The following GRIK1 variants were observed in gnomAD, a reference collection of about 807,000 sequenced individuals.
GRIK1 encodes the protein glutamate ionotropic receptor kainate type subunit 1.
GRIK1 carries 69 observed loss-of-function variants against 105.7 expected under a neutral mutation model. The observed-to-expected ratio is 0.65, with a 90% CI of 0.54 to 0.80. The LOEUF is 0.80. Ranked by LOEUF, GRIK1 falls within the 30% of genes least tolerant of loss-of-function variation. The pLI, the probability that GRIK1 is intolerant of heterozygous loss-of-function variation, is 0.00. For missense variants in GRIK1, 1,109 were observed against 1,167.3 expected (o/e 0.95, Z 0.73); for synonymous variants, 438 against 431.3 (o/e 1.02, Z -0.19).
chr21:29,835,506 A>G (rs553915019), intron 1 of GRIK1, among the ~76,000 whole-genome samples: 3 of 152,300 alleles, frequency 2.0e-5, no homozygotes, highest in Non-Finnish European at 2.9e-5. Flanking sequence ...TGTGGAAAAC[A>G]CAGTTGTTTC....
At chr21:29,743,493 C>T (rs539860905) in intron 1 of GRIK1, among the ~76,000 whole-genome samples, 11 of 151,972 alleles carry the variant, frequency 7.2e-5, no homozygotes, top group African/African-American at 2.2e-4. Context: ...GTTAGGAGTT[C>T]GAGACTAGCC....
At chr21:29,842,480 T>C (rs893989736) in intron 1 of GRIK1, among the ~76,000 whole-genome samples, 3 of 152,152 alleles carry the variant, frequency 2.0e-5, no homozygotes, top group Non-Finnish European at 4.4e-5. Context: ...TTTTCAAAAG[T>C]TTTTGTCCTC....
chr21:29,654,743 G>C, intron 5 of GRIK1, 67 bp downstream of exon 5: 2 of 910,690 alleles, frequency 2.2e-6, no homozygotes, highest in Non-Finnish European at 3.7e-6. Context: ...TGGTGAGGCC[G>C]ACTCTGAAAT....
chr21:29,789,946 C>G (rs1439663899), intron 1 of GRIK1, among the ~76,000 whole-genome samples: 1 of 152,200 alleles, frequency 6.6e-6, no homozygotes, highest in Non-Finnish European at 1.5e-5. Flanking sequence ...TCAATGCTCA[C>G]AAATCAAATC....
At chr21:29,893,088 G>T (rs765332500) in intron 1 of GRIK1, among the ~76,000 whole-genome samples, 1 of 152,118 alleles carries the variant, frequency 6.6e-6, no homozygotes, top group African/African-American at 2.4e-5. Flanking sequence ...TAATACAGTT[G>T]TTGAAATTGG....
At chr21:29,804,459 T>A (rs1953851623) in intron 1 of GRIK1, among the ~76,000 whole-genome samples, 1 of 151,786 alleles carries the variant, frequency 6.6e-6, no homozygotes, top group African/African-American at 2.4e-5. Context: ...AAAAAAAAAA[T>A]GAAGACAAAA....
At chr21:29,607,542 A>G (rs1272186479) in intron 7 of GRIK1, among the ~76,000 whole-genome samples, 1 of 152,212 alleles carries the variant, frequency 6.6e-6, no homozygotes, top group Non-Finnish European at 1.5e-5. Context: ...CTGAAGTTTA[A>G]ATACATTGTA....
intron 1 of GRIK1, among the ~76,000 whole-genome samples, chr21:29,905,646 A>G (rs1479625948): frequency 3.3e-5 from 2 of 60,210 alleles, no homozygotes; most frequent in Admixed American, 2.4e-4. Context: ...TTTTTTTTTG[A>G]GACGGAGTCT....
intron 12 of GRIK1, among the ~76,000 whole-genome samples, chr21:29,585,196 G>A (rs759298644): frequency 3.8e-4 from 57 of 151,962 alleles, no homozygotes; most frequent in Admixed American, 6.6e-4. Context: ...ACTACTGAAT[G>A]GATTGCATTG....
At chr21:29,565,214 G>A in intron 14 of GRIK1, among the ~76,000 whole-genome samples, 1 of 152,200 alleles carries the variant, frequency 6.6e-6, no homozygotes, top group Non-Finnish European at 1.5e-5. Flanking sequence ...ATGGGAGCAA[G>A]AAGAGCAGCA....
chr21:29,637,902 G>T (rs1235274040), intron 7 of GRIK1, among the ~76,000 whole-genome samples: 1 of 152,072 alleles, frequency 6.6e-6, no homozygotes, highest in Non-Finnish European at 1.5e-5. Context: ...GTTGCAGTTG[G>T]CCTACTGCAT....
In GRIK1 at chr21:29,795,027, A is replaced by ATTTTTT. The variant is rs1569102231; in HGVS notation, c.119-100965_119-100964insAAAAAA. ...CCAAGCTTCCTGATGCTTTGCTCTA[A>ATTTTTT]ATTTTTTTTTTTTTTTTTTTTTTTT... On this transcript the variant is annotated intron_variant, in intron 1 of 17. Coordinates refer to ENST00000327783, the MANE Select transcript of GRIK1 (RefSeq NM_001330994.2). Among the ~76,000 whole-genome samples the ATTTTTT allele has an allele frequency of 3.7e-3, 302 of 82,112 alleles. 25 individuals are homozygous for ATTTTTT. The highest frequency in any genetic ancestry group is 8.0e-3 in the African/African-American group (190 of 23,746). 53.9% of individuals were successfully genotyped at this position (82,112 alleles called of 152,430 possible). A position where few individuals can be genotyped will look rare whatever the true frequency, so the allele number is the denominator to read the frequency against.
chr21:29,816,339 C>G (rs561713273), intron 1 of GRIK1, among the ~76,000 whole-genome samples: 1 of 152,202 alleles, frequency 6.6e-6, no homozygotes, highest in South Asian at 2.1e-4. Flanking sequence ...TTTTTATACA[C>G]TGTTGGTGGG....
At chr21:29,740,534 C>T (rs781193328) in intron 1 of GRIK1, among the ~76,000 whole-genome samples, 10 of 152,044 alleles carry the variant, frequency 6.6e-5, no homozygotes, top group Non-Finnish European at 1.2e-4. Flanking sequence ...AACTGAAATC[C>T]TCACAACCAC....
intron 1 of GRIK1, among the ~76,000 whole-genome samples, chr21:29,924,485 A>C (rs144153334): frequency 6.6e-5 from 10 of 152,322 alleles, no homozygotes; most frequent in African/African-American, 2.4e-4. Context: ...GGTTAAGAAC[A>C]ACTGCTCTGA....
At chr21:29,870,664 C>T (rs1029310842) in intron 1 of GRIK1, among the ~76,000 whole-genome samples, 2 of 152,028 alleles carry the variant, frequency 1.3e-5, no homozygotes, top group African/African-American at 2.4e-5. Context: ...CTGTAAGTTT[C>T]CATTTGATAG....
At chr21:29,854,114 A>T (rs912783900) in intron 1 of GRIK1, among the ~76,000 whole-genome samples, 1 of 152,152 alleles carries the variant, frequency 6.6e-6, no homozygotes, top group African/African-American at 2.4e-5. Context: ...TACAAGAAGC[A>T]TGATGCCTTC....
chr21:29,678,236 C>T (rs980704110), intron 3 of GRIK1, among the ~76,000 whole-genome samples: 3 of 152,104 alleles, frequency 2.0e-5, no homozygotes, highest in Non-Finnish European at 4.4e-5. Context: ...TCTGTGCATC[C>T]TCCAGAGCGG....
intron 1 of GRIK1, among the ~76,000 whole-genome samples, chr21:29,706,514 C>G (rs1274881985): frequency 6.6e-6 from 1 of 152,142 alleles, no homozygotes; most frequent in African/African-American, 2.4e-5. Flanking sequence ...CAGTTTCATT[C>G]TAAGATCCAA....
Sources: allele counts gnomAD v4.1 joint callset (sites outside exome capture counted in the v4.1 genomes callset), GRCh38; gene constraint gnomAD v4.1.1; transcripts MANE v1.5; gene names NCBI Gene and HGNC (gene_info 2026-07-23, HGNC 2026-07-21).